Variants in LRTM2 observed in about 807,000 individuals in gnomAD.
The protein encoded by LRTM2 is leucine-rich repeat and transmembrane domain-containing protein 2.
Under a neutral mutation model 28.1 loss-of-function variants are expected in LRTM2, and 18 were observed. The observed-to-expected ratio is 0.64, with a 90% confidence interval of 0.44 to 0.95. The LOEUF (loss-of-function observed/expected upper bound fraction) is 0.95, where lower values mean the gene tolerates loss of function less well. LRTM2 is among the 40% of genes least tolerant of loss of function. LRTM2 has a pLI of 0.00. For missense variants in LRTM2, 436 were observed against 497.2 expected, an observed-to-expected ratio of 0.88 and a Z score of 1.17; for synonymous variants, 250 against 218.7, an observed-to-expected ratio of 1.14 and a Z score of -1.26.
intron 1 of LRTM2, among the ~76,000 whole-genome samples, chr12:1,823,754 G>C (rs369015239): frequency 1.2e-4 from 18 of 152,336 alleles, no homozygotes; most frequent in African/African-American, 4.1e-4. Context: ...AAGTCACAAA[G>C]CCTGTTCCTT....
rs1864487295 is a variant in LRTM2, at chr12:1,828,860, G to A, written c.67+645G>A. 6.6e-6 allele frequency among the ~76,000 whole-genome samples: 1 copy of A among 152,204 alleles called. No homozygotes were observed. The highest frequency in any genetic ancestry group is 6.5e-5 in the Admixed American group (1 of 15,282). The stretch of plus-strand genomic sequence containing the variant: ...TGAAGGCAACACTTGGCAGCTGTCA[G>A]GGTGAAAGGAGCCCTGAGAATTCTC... On this transcript the variant is annotated intron_variant, in intron 3 of 4. Transcript: ENST00000299194. The surrounding 1 kb of genome is among the most constrained non-coding windows in gnomAD (Gnocchi z 4.2).
chr12:1,828,091 C>CACCCAGGGGCTCCTCTCTCCCCAGAGCG lies in LRTM2; in HGVS notation c.-55_-28dup. 1 of 1,445,946 alleles carries CACCCAGGGGCTCCTCTCTCCCCAGAGCG rather than the reference C, an allele frequency of 6.9e-7. No individual in the cohort carries two copies. The highest frequency in any genetic ancestry group is 2.6e-5 in the East Asian group (1 of 38,864). The allele number at this position is 1,445,946 out of a possible 1,614,324, so 89.6% of individuals were successfully genotyped here. A position where few individuals can be genotyped will look rare whatever the true frequency, so the allele number is the denominator to read the frequency against. On this transcript the variant is annotated 5_prime_UTR_variant, in exon 3 of 5. Coordinates refer to ENST00000299194, the MANE Select transcript of LRTM2 (RefSeq NM_001039029.3). The surrounding 1 kb of genome is among the most constrained non-coding windows in gnomAD (Gnocchi z 4.2). ...CCTCCCTCAGGACTGACAGGCGGCG[C>CACCCAGGGGCTCCTCTCTCCCCAGAGCG]ACCCAGGGGCTCCTCTCTCCCCAGA... is the stretch of plus-strand genomic sequence containing the variant.
intron 1 of LRTM2, among the ~76,000 whole-genome samples, chr12:1,826,411 C>A (rs4564390): frequency 3.1e-4 from 32 of 102,628 alleles, no homozygotes; most frequent in African/African-American, 4.4e-4. Context: ...CCCCCCCCCC[C>A]CCCCCGCCAA....
rs1864724190 is a variant in LRTM2 at position 1,833,572 on chromosome 12, G to C, written c.659-695G>C. 6.6e-6 allele frequency among the ~76,000 whole-genome samples: 1 copy of C among 152,166 alleles called. No individual in the cohort carries two copies. The highest frequency in any genetic ancestry group is 1.5e-5 in the Non-Finnish European group (1 of 68,034). ...GTGTGCCTCCAGGATTCCCCCTCCA[G>C]ATGCCTTTGTACTTACAGGGCTGTG... is the stretch of plus-strand genomic sequence containing the variant. On this transcript the variant is annotated intron_variant, in intron 4 of 4. Transcript: ENST00000299194. The surrounding 1 kb of genome is among the most constrained non-coding windows in gnomAD (Gnocchi z 4.2).
rs1864805124 is a variant in LRTM2, at chr12:1,835,216, C to T, written c.*495C>T. 1 of 156,466 alleles carries T rather than the reference C, an allele frequency of 6.4e-6. No individual in the cohort carries two copies. Among genetic ancestry groups the T allele is most frequent in the East Asian group, 1.9e-4 (1 of 5,326 alleles). 9.7% of individuals were successfully genotyped at this position (156,466 alleles called of 1,614,324 possible). On this transcript the variant is annotated 3_prime_UTR_variant, in exon 5 of 5. Coordinates refer to ENST00000299194, the MANE Select transcript of LRTM2 (RefSeq NM_001039029.3). Reference sequence around the variant, plus strand: ...ACACCCCTGCAGTGTGAAAGCTGGTCCAGCTCTACAACTGTTGGTACCAAT... The same window carrying T: ...ACACCCCTGCAGTGTGAAAGCTGGTTCAGCTCTACAACTGTTGGTACCAAT...
Position 1,834,755 on chromosome 12 carries a change from G to C in LRTM2, c.*34G>C, listed in dbSNP as rs140355519. 2.6e-6 allele frequency: 4 copies of C among 1,553,390 alleles called. No individual in the cohort carries two copies. The highest frequency in any genetic ancestry group is 2.6e-6 in the Non-Finnish European group (3 of 1,152,614). On this transcript the variant is annotated 3_prime_UTR_variant, in exon 5 of 5. Transcript: ENST00000299194. This position sits in a 1 kb window ranked among gnomAD's most constrained non-coding sequence, Gnocchi z 7.6. Reference sequence around the variant, plus strand: ...CCCCACCCGGCCAGGTAGGAAGGGCGGGGAGAGCACACGGCATTGCTCAGC... The same window carrying C: ...CCCCACCCGGCCAGGTAGGAAGGGCCGGGAGAGCACACGGCATTGCTCAGC...
In LRTM2 at chr12:1,827,854, G is replaced by A; in HGVS notation, c.-73-222G>A. 3 of 366,270 alleles carry A rather than the reference G, an allele frequency of 8.2e-6. No individual in the cohort carries two copies. In the East Asian group the frequency reaches 1.2e-4, roughly 15 times the overall value. The allele number at this position is 366,270 out of a possible 1,614,324, so 22.7% of individuals were successfully genotyped here. ...TGCACCCCCAGCTTTGCGGCACTGT[G>A]CCCGACCCTCGGGCTCCTGGAAAGC... On this transcript the variant is annotated intron_variant, in intron 2 of 4. Coordinates refer to ENST00000299194, the MANE Select transcript of LRTM2 (RefSeq NM_001039029.3).
intron 2 of LRTM2, chr12:1,827,839 G>A (rs1342900082): frequency 2.9e-6 from 1 of 346,090 alleles, no homozygotes; most frequent in African/African-American, 2.1e-5. Flanking sequence ...TGCACCCCCA[G>A]CTTTGCGGCA....
At position 1,834,744 on chromosome 12, in the gene LRTM2, G is replaced by A; in HGVS notation, c.*23G>A. Reference sequence around the variant, plus strand: ...TGAGCGCCCATCCCCACCCGGCCAGGTAGGAAGGGCGGGGAGAGCACACGG... The same window carrying A: ...TGAGCGCCCATCCCCACCCGGCCAGATAGGAAGGGCGGGGAGAGCACACGG... On this transcript the variant is annotated 3_prime_UTR_variant, in exon 5 of 5. Coordinates refer to ENST00000299194, the MANE Select transcript of LRTM2 (RefSeq NM_001039029.3). The surrounding 1 kb of genome is among the most constrained non-coding windows in gnomAD (Gnocchi z 7.6). 1.3e-6 allele frequency: 2 copies of A among 1,565,948 alleles called. No individual in the cohort carries two copies. The highest frequency in any genetic ancestry group is 1.7e-6 in the Non-Finnish European group (2 of 1,158,070).
At chr12:1,827,161 G>C (rs1012349810) in intron 1 of LRTM2, among the ~76,000 whole-genome samples, 27 of 149,730 alleles carry the variant, frequency 1.8e-4, no homozygotes, top group Admixed American at 3.3e-4. Context: ...AGCTGCAGCA[G>C]GTAAACACAT....
Position 1,828,765 on chromosome 12 carries a change from G to A in LRTM2, c.67+550G>A, listed in dbSNP as rs759344138. ...GCGGCGCTGGAAGAGACTTTGGGGA[G>A]TGGGTCCAACCCCTCCTGCATATAG... On this transcript the variant is annotated intron_variant, in intron 3 of 4. Transcript: ENST00000299194. This position sits in a 1 kb window ranked among gnomAD's most constrained non-coding sequence, Gnocchi z 4.2. Among the ~76,000 whole-genome samples, 2 of 152,246 alleles carry A rather than the reference G, an allele frequency of 1.3e-5. No homozygotes were observed. Among genetic ancestry groups the A allele is most frequent in the Non-Finnish European group, 2.9e-5 (2 of 68,048 alleles).
rs575422531 is a variant in LRTM2, at chr12:1,830,350, C to T, written c.68-585C>T. On this transcript the variant is annotated intron_variant, in intron 3 of 4. Transcript: ENST00000299194. ...GATGGAAACATAACAGCACTTGGGACGCCGTGAAGGACAGGGCTAGGAGTG... is the reference window on the plus strand; with the variant it reads ...GATGGAAACATAACAGCACTTGGGATGCCGTGAAGGACAGGGCTAGGAGTG... 1.1e-3 allele frequency among the ~76,000 whole-genome samples: 172 copies of T among 152,314 alleles called. 2 individuals are homozygous for T. The highest frequency in any genetic ancestry group is 2.6e-4 in the African/African-American group (11 of 41,556).
chr12:1,825,173 G>GC lies in LRTM2; in HGVS notation c.-258-2235dup, dbSNP rs571184466. On this transcript the variant is annotated intron_variant, in intron 1 of 4. Transcript: ENST00000299194. ...TGGGACCTCCAGACCTGCACAAGAG[G>GC]CCGCCTTCACCAGCCTGTTTGCTGG... 1.5e-3 allele frequency among the ~76,000 whole-genome samples: 232 copies of GC among 152,348 alleles called. 1 individual carries two copies. Among genetic ancestry groups the GC allele is most frequent in the African/African-American group, 5.2e-3 (216 of 41,576 alleles).
At chr12:1,831,944 A>C (rs1261823455) in intron 4 of LRTM2, among the ~76,000 whole-genome samples, 3 of 152,218 alleles carry the variant, frequency 2.0e-5, no homozygotes, top group Non-Finnish European at 4.4e-5. Flanking sequence ...TCTTCTGAAG[A>C]ATACAGCCAT....
rs1194296602 is a variant in LRTM2, at chr12:1,833,322, T to C, written c.659-945T>C. Reference sequence around the variant, plus strand: ...GGGGTCTAGTGCCTGCATCCAGATTTCACTGGAAGCTGAAAGAGGGCCAGA... The same window carrying C: ...GGGGTCTAGTGCCTGCATCCAGATTCCACTGGAAGCTGAAAGAGGGCCAGA... On this transcript the variant is annotated intron_variant, in intron 4 of 4. Transcript: ENST00000299194. This position sits in a 1 kb window ranked among gnomAD's most constrained non-coding sequence, Gnocchi z 4.2. 6.6e-6 allele frequency among the ~76,000 whole-genome samples: 1 copy of C among 152,116 alleles called. No homozygotes were observed. Among genetic ancestry groups the C allele is most frequent in the Non-Finnish European group, 1.5e-5 (1 of 68,020 alleles).
rs191463067 is a variant in LRTM2, at chr12:1,833,831, C to G, written c.659-436C>G. Among the ~76,000 whole-genome samples, 1 of 152,254 alleles carries G rather than the reference C, an allele frequency of 6.6e-6. No individual in the cohort carries two copies. Among genetic ancestry groups the G allele is most frequent in the East Asian group, 1.9e-4 (1 of 5,174 alleles). On this transcript the variant is annotated intron_variant, in intron 4 of 4. Transcript: ENST00000299194. This position sits in a 1 kb window ranked among gnomAD's most constrained non-coding sequence, Gnocchi z 4.2. The stretch of plus-strand genomic sequence containing the variant: ...TGTTGAGAACGGTATCCTGGGCTCA[C>G]AGACAGGTGATGAGCAGGCAGATTC...
chr12:1,821,393 C>T (rs1864093829), intron 1 of LRTM2, among the ~76,000 whole-genome samples: 1 of 152,288 alleles, frequency 6.6e-6, no homozygotes, highest in East Asian at 1.9e-4. Flanking sequence ...GAACCCTCCC[C>T]CAGATGAGCA....
chr12:1,827,983 G>A, intron 2 of LRTM2, 93 bp from the exon 3 acceptor site: 1 of 480,156 alleles, frequency 2.1e-6, no homozygotes, highest in Non-Finnish European at 3.6e-6. Flanking sequence ...AGGGCATGAG[G>A]AGTGTAAAGA....
In LRTM2 at chr12:1,829,242, C is replaced by A. The variant is rs544113805; in HGVS notation, c.67+1027C>A. On this transcript the variant is annotated intron_variant, in intron 3 of 4. Transcript: ENST00000299194. This position sits in a 1 kb window ranked among gnomAD's most constrained non-coding sequence, Gnocchi z 4.2. ...CAGGCCCTTCTCTGGGAGGGGCGAG[C>A]GGCTTCTGGTGATGCAGATCCTTTT... 1.3e-5 allele frequency among the ~76,000 whole-genome samples: 2 copies of A among 152,194 alleles called. No individual in the cohort carries two copies. The highest frequency in any genetic ancestry group is 2.9e-5 in the Non-Finnish European group (2 of 68,038).
Sources: gnomAD v4.1 joint callset for allele counts (sites outside exome capture counted in the v4.1 genomes callset) on GRCh38, gnomAD v4.1.1 for gene constraint, Gnocchi (gnomAD v3.1) non-coding constraint, MANE v1.5 for transcripts, NCBI Gene and HGNC (gene_info 2026-07-23, HGNC 2026-07-21) for gene names.